ACAP2: variants seen among roughly 807,000 people sequenced by gnomAD.
ACAP2 encodes the protein arf-GAP with coiled-coil, ANK repeat and PH domain-containing protein 2.
ACAP2 carries 39 observed loss-of-function variants against 115.8 expected under a neutral mutation model. The observed-to-expected ratio is 0.34, with a 90% CI of 0.26 to 0.44. The LOEUF is 0.44. Ranked by LOEUF, ACAP2 falls within the 20% of genes least tolerant of loss-of-function variation. The pLI is 1.00. For synonymous variants in ACAP2, 289 were observed against 315.8 expected, an observed-to-expected ratio of 0.92 and a Z score of 0.90; for missense variants, 662 against 927.6, an observed-to-expected ratio of 0.71 and a Z score of 3.72.
chr3:195,326,844 G>A, intron 9 of ACAP2, 41 bp downstream of exon 9: 1 of 1,561,522 alleles, frequency 6.4e-7, no homozygotes, highest in Non-Finnish European at 8.8e-7. Context: ...CCAAGCCATT[G>A]TATAAAGTGG....
intron 18 of ACAP2, among the ~76,000 whole-genome samples, chr3:195,293,462 C>A (rs1455316634): frequency 6.6e-6 from 1 of 152,172 alleles, no homozygotes; most frequent in Non-Finnish European, 1.5e-5. Context: ...GAAAGATAAA[C>A]GATAATAAGA....
intron 8 of ACAP2, among the ~76,000 whole-genome samples, chr3:195,329,093 A>AT: frequency 6.6e-6 from 1 of 151,370 alleles, no homozygotes; most frequent in East Asian, 2.0e-4. Flanking sequence ...AAAAAAAAAA[A>AT]AGAAAGAAAG....
intron 19 of ACAP2, 102 bp downstream of exon 19, chr3:195,292,163 C>A: frequency 7.4e-7 from 1 of 1,349,784 alleles, no homozygotes; most frequent in South Asian, 1.7e-5. Flanking sequence ...TTTTCTAACC[C>A]ATCTCTTGAA....
At chr3:195,356,653 T>G (rs979680582) in intron 4 of ACAP2, among the ~76,000 whole-genome samples, 1 of 152,084 alleles carries the variant, frequency 6.6e-6, no homozygotes, top group African/African-American at 2.4e-5. Context: ...TCAGCCACAG[T>G]TGAATAAGGC....
chr3:195,396,041 A>C (rs1306326973), intron 1 of ACAP2, among the ~76,000 whole-genome samples: 1 of 152,158 alleles, frequency 6.6e-6, no homozygotes, highest in African/African-American at 2.4e-5. Flanking sequence ...ACATAAGGTC[A>C]GGAGTTCAAG....
chr3:195,398,506 G>A (rs187794810), intron 1 of ACAP2, among the ~76,000 whole-genome samples: 244 of 152,014 alleles, frequency 1.6e-3, no homozygotes, highest in African/African-American at 5.6e-3. Context: ...GCATGGTGGC[G>A]CATGCCTGTA....
intron 4 of ACAP2, chr3:195,349,601 T>TAA: frequency 5.3e-5 from 8 of 151,992 alleles, no homozygotes; most frequent in South Asian, 3.7e-4. Flanking sequence ...TCAGAGAAAT[T>TAA]AAAAAAAAAA....
intron 4 of ACAP2, among the ~76,000 whole-genome samples, chr3:195,371,940 T>C (rs1449395051): frequency 6.6e-6 from 1 of 152,222 alleles, no homozygotes; most frequent in African/African-American, 2.4e-5. Context: ...ATTACAGGCA[T>C]GAGCCGGTAC....
chr3:195,384,598 G>A (rs1278477405), intron 2 of ACAP2, among the ~76,000 whole-genome samples: 3 of 152,010 alleles, frequency 2.0e-5, no homozygotes, highest in Admixed American at 6.6e-5. Context: ...ATGGTGGTGC[G>A]CACCTGTAGT....
intron 1 of ACAP2, among the ~76,000 whole-genome samples, chr3:195,393,483 A>T (rs1373214194): frequency 6.6e-6 from 1 of 152,260 alleles, no homozygotes; most frequent in Non-Finnish European, 1.5e-5. Context: ...AGAAATGCCT[A>T]TGATAAAATG....
At chr3:195,373,548 C>A (rs1733319448) in intron 4 of ACAP2, among the ~76,000 whole-genome samples, 2 of 152,178 alleles carry the variant, frequency 1.3e-5, no homozygotes, top group Non-Finnish European at 2.9e-5. Context: ...TTGTTTAACA[C>A]TAGTTATTGA....
chr3:195,378,430 T>C (rs1733713821), intron 4 of ACAP2, among the ~76,000 whole-genome samples: 1 of 151,696 alleles, frequency 6.6e-6, no homozygotes, highest in Admixed American at 6.6e-5. Context: ...AGGCAGAGGT[T>C]GCAGTGAGCC....
At chr3:195,375,924 T>G (rs1577379217) in intron 4 of ACAP2, among the ~76,000 whole-genome samples, 1 of 152,144 alleles carries the variant, frequency 6.6e-6, no homozygotes, top group East Asian at 1.9e-4. Context: ...AAATAAATAT[T>G]CCAAGTTCCT....
chr3:195,355,920 T>C (rs1483847886), intron 4 of ACAP2: 2 of 307,460 alleles, frequency 6.5e-6, no homozygotes, highest in South Asian at 2.7e-5. Context: ...AAATTAAAAA[T>C]AGAAACAAGC....
At chr3:195,313,374 G>A (rs1194802179) in intron 10 of ACAP2, among the ~76,000 whole-genome samples, 1 of 152,054 alleles carries the variant, frequency 6.6e-6, no homozygotes, top group East Asian at 1.9e-4. Flanking sequence ...TAAAAGTTCA[G>A]GAAAACAATC....
At position 195,307,319 on chromosome 3, in the gene ACAP2, T is replaced by G; in HGVS notation, c.914A>C (p.Asn305Thr). ...GAGGTCTTCAACTACCACAGTCGGA[T>G]TATCCTATAGTGAGGAAACCAAATT... is the stretch of plus-strand genomic sequence containing the variant. Reference protein sequence around the residue: ...QLVYQKKFKDNPTVVVEDLRL... With the variant: ...QLVYQKKFKDTPTVVVEDLRL... The change falls in exon 12 of 23, where the codon AAT (asparagine) becomes ACT (threonine). Residue 305 changes from asparagine (N) to threonine (T), a missense_variant. This residue lies in a region of ACAP2 where 401 missense variants were observed against 604.4 expected (regional missense o/e 0.66). Coordinates refer to ENST00000326793, the MANE Select transcript of ACAP2 (RefSeq NM_012287.6). 6.2e-7 allele frequency: 1 copy of G among 1,611,064 alleles called. No homozygotes were observed. Among genetic ancestry groups the G allele is most frequent in the Non-Finnish European group, 8.5e-7 (1 of 1,177,722 alleles).
At chr3:195,283,721 T>C (rs1338435719) in intron 22 of ACAP2, among the ~76,000 whole-genome samples, 5 of 152,350 alleles carry the variant, frequency 3.3e-5, no homozygotes, top group African/African-American at 9.6e-5. Flanking sequence ...CTTTAAATAT[T>C]AGGCCCTCTG....
intron 8 of ACAP2, among the ~76,000 whole-genome samples, chr3:195,328,146 T>C (rs926500266): frequency 6.6e-6 from 1 of 152,140 alleles, no homozygotes; most frequent in Non-Finnish European, 1.5e-5. Context: ...TAGACTATGA[T>C]GATGCCTTTC....
At chr3:195,303,355 G>T (rs965823672) in intron 13 of ACAP2, among the ~76,000 whole-genome samples, 3 of 151,460 alleles carry the variant, frequency 2.0e-5, no homozygotes, top group African/African-American at 7.3e-5. Context: ...ATTGTAGTAA[G>T]CCAAGATCAT....
Sources: allele counts gnomAD v4.1 joint callset (sites outside exome capture counted in the v4.1 genomes callset), GRCh38; gene constraint gnomAD v4.1.1; regional missense constraint gnomAD v4.1.1; transcripts MANE v1.5; gene names NCBI Gene and HGNC (gene_info 2026-07-23, HGNC 2026-07-21).